Variants in DNAJB13 observed in about 807,000 individuals in gnomAD.
The protein encoded by DNAJB13 is DnaJ heat shock protein family (Hsp40) member B13.
DNAJB13 carries 22 observed loss-of-function variants against 35.6 expected under a neutral mutation model. The ratio of observed to expected loss-of-function variants is 0.62; its 90% CI spans 0.44 to 0.88. The LOEUF (loss-of-function observed/expected upper bound fraction) is 0.88. Among genes scored for constraint, DNAJB13 ranks in the 40% least tolerant of loss-of-function variants. DNAJB13 has a pLI of 0.00. For synonymous variants in DNAJB13, 136 were observed against 144.2 expected, an observed-to-expected ratio of 0.94 and a Z score of 0.41; for missense variants, 370 against 384.3, an observed-to-expected ratio of 0.96 and a Z score of 0.31.
At position 73,951,032 on chromosome 11, in the gene DNAJB13, T is replaced by TATCCA. The variant is rs1416379855; in HGVS notation, c.-38_-37insATCCA. The TATCCA allele has an allele frequency of 6.2e-7, 1 of 1,612,148 alleles. No homozygotes were observed. The highest frequency in any genetic ancestry group is 1.3e-5 in the African/African-American group (1 of 75,034). On this transcript the variant is annotated 5_prime_UTR_variant, in exon 1 of 8. Transcript: ENST00000339764. ...GCCAACTAACAGCCTTGCTAGAGTC[T>TATCCA]GAGGACTATCCAGGGCCTGACTGCC...
At chr11:73,961,596 C>T (rs543105264) in intron 3 of DNAJB13, among the ~76,000 whole-genome samples, 21 of 152,208 alleles carry the variant, frequency 1.4e-4, no homozygotes, top group African/African-American at 4.8e-4. Context: ...GACAGAGCCA[C>T]GGAGAGATGC....
At position 73,968,389 on chromosome 11, in the gene DNAJB13, G is replaced by A. The variant is rs1285866893; in HGVS notation, c.651G>A (p.Glu217=). The change falls in exon 6 of 8, where the codon GAG becomes GAA. Residue 217 remains glutamate (E), a synonymous_variant. Coordinates refer to ENST00000339764, the MANE Select transcript of DNAJB13 (RefSeq NM_153614.4). ...IPADIIFIVK[E]KLHPRFRREN... ...CAGACATCATTTTCATCGTAAAGGAGAAGCTACACCCTCGCTTCCGCAGGG... is the reference window on the plus strand; with the variant it reads ...CAGACATCATTTTCATCGTAAAGGAAAAGCTACACCCTCGCTTCCGCAGGG... The A allele has an allele frequency of 6.2e-7, 1 of 1,614,154 alleles. No individual in the cohort carries two copies. Among genetic ancestry groups the A allele is most frequent in the Non-Finnish European group, 8.5e-7 (1 of 1,180,030 alleles).
chr11:73,964,812 TGCGC>T (rs1350955423), intron 3 of DNAJB13, 62 bp from the exon 4 acceptor site: 8 of 698,228 alleles, frequency 1.1e-5, no homozygotes, highest in African/African-American at 2.2e-5. Context: ...TGTGTGTGTG[TGCGC>T]GCGCGCGCAT....
intron 1 of DNAJB13, among the ~76,000 whole-genome samples, chr11:73,957,767 C>T (rs1032744338): frequency 1.3e-5 from 2 of 152,208 alleles, no homozygotes; most frequent in African/African-American, 2.4e-5. Flanking sequence ...TGTAGCTCAT[C>T]CTCCCAAGAT....
intron 5 of DNAJB13, among the ~76,000 whole-genome samples, chr11:73,967,486 T>C (rs1462996518): frequency 3.3e-5 from 5 of 152,152 alleles, no homozygotes; most frequent in Non-Finnish European, 7.4e-5. Context: ...GGCTCACACT[T>C]ATAGCCTCAG....
chr11:73,955,195 C>T (rs1950705775), intron 1 of DNAJB13, among the ~76,000 whole-genome samples: 2 of 152,052 alleles, frequency 1.3e-5, no homozygotes, highest in Non-Finnish European at 2.9e-5. Context: ...GTGATTTCAC[C>T]CCTTTCTCTC....
intron 1 of DNAJB13, among the ~76,000 whole-genome samples, chr11:73,956,153 G>A (rs1950736250): frequency 6.6e-6 from 1 of 152,204 alleles, no homozygotes; most frequent in Admixed American, 6.5e-5. Context: ...ATTAGACAGA[G>A]GAGTCAATAT....
chr11:73,951,370 C>A (rs1295382164), intron 1 of DNAJB13, among the ~76,000 whole-genome samples: 1 of 152,282 alleles, frequency 6.6e-6, no homozygotes, highest in South Asian at 2.1e-4. Flanking sequence ...ATGCTCCATG[C>A]CCTATATCCT....
chr11:73,957,960 C>T (rs1950804566), intron 1 of DNAJB13, among the ~76,000 whole-genome samples: 1 of 152,160 alleles, frequency 6.6e-6, no homozygotes, highest in South Asian at 2.1e-4. Flanking sequence ...CGGGGAGCAG[C>T]TCAGCCAGCC....
At chr11:73,956,273 A>G (rs1290608285) in intron 1 of DNAJB13, among the ~76,000 whole-genome samples, 3 of 152,140 alleles carry the variant, frequency 2.0e-5, no homozygotes, top group African/African-American at 7.2e-5. Flanking sequence ...GCCCTGGAGG[A>G]TTTGGCACCT....
At chr11:73,959,869 TCTC>T (rs202085806) in intron 3 of DNAJB13, 18,091 of 316,978 alleles carry the variant, frequency 0.057, 690 homozygotes, top group Middle Eastern at 0.091. Context: ...TTCAAATGAT[TCTC>T]CTCCCTCAGC....
intron 3 of DNAJB13, chr11:73,964,087 T>C (rs1248412495): frequency 3.3e-5 from 5 of 152,172 alleles, no homozygotes; most frequent in Non-Finnish European, 7.3e-5. Context: ...TTCATCTTAA[T>C]GGTGGAAGGC....
At chr11:73,955,110 C>A (rs1160644456) in intron 1 of DNAJB13, among the ~76,000 whole-genome samples, 1 of 149,530 alleles carries the variant, frequency 6.7e-6, no homozygotes, top group African/African-American at 2.5e-5. Context: ...AAAAAAAGAG[C>A]TAAACTTATA....
At chr11:73,964,810 T>TGTGC (rs750446213) in intron 3 of DNAJB13, 68 bp from the exon 4 acceptor site, 7 of 705,576 alleles carry the variant, frequency 9.9e-6, no homozygotes, top group East Asian at 3.0e-5. Flanking sequence ...TGTGTGTGTG[T>TGTGC]GTGCGCGCGC....
intron 1 of DNAJB13, among the ~76,000 whole-genome samples, chr11:73,953,010 G>A (rs766472071): frequency 3.3e-5 from 5 of 152,146 alleles, no homozygotes; most frequent in Non-Finnish European, 7.4e-5. Flanking sequence ...GATCCCTTGG[G>A]CCCAGGAGTT....
intron 1 of DNAJB13, among the ~76,000 whole-genome samples, chr11:73,957,284 T>G (rs1950776415): frequency 6.6e-6 from 1 of 152,226 alleles, no homozygotes; most frequent in Non-Finnish European, 1.5e-5. Context: ...CTGTGTCGCT[T>G]GACAGAAGGT....
At chr11:73,957,232 C>A (rs1168660536) in intron 1 of DNAJB13, among the ~76,000 whole-genome samples, 2 of 152,174 alleles carry the variant, frequency 1.3e-5, no homozygotes, top group Non-Finnish European at 2.9e-5. Flanking sequence ...AGGGCTGCGG[C>A]TTTATTCCCC....
intron 1 of DNAJB13, among the ~76,000 whole-genome samples, chr11:73,957,886 G>C (rs1199877940): frequency 6.6e-6 from 1 of 152,224 alleles, no homozygotes; most frequent in African/African-American, 2.4e-5. Flanking sequence ...GGCGCGCACA[G>C]TACAGCCTGA....
chr11:73,968,231 C>A, intron 5 of DNAJB13, 114 bp from the exon 6 acceptor site: 2 of 907,820 alleles, frequency 2.2e-6, no homozygotes, highest in Non-Finnish European at 3.6e-6. Context: ...TCCAGAAAAC[C>A]TGCTCTCATC....
Sources: gnomAD v4.1 joint callset for allele counts (sites outside exome capture counted in the v4.1 genomes callset) on GRCh38, gnomAD v4.1.1 for gene constraint, MANE v1.5 for transcripts, NCBI Gene and HGNC (gene_info 2026-07-23, HGNC 2026-07-21) for gene names.